The following INPP4B variants were observed in gnomAD, a reference collection of about 807,000 sequenced individuals.
INPP4B encodes the protein inositol polyphosphate 4-phosphatase type II.
Under a neutral mutation model 122.5 loss-of-function variants are expected in INPP4B, and 55 were observed. The ratio of observed to expected loss-of-function variants is 0.45; its 90% CI spans 0.36 to 0.56. The LOEUF is 0.56. Ranked by LOEUF, INPP4B falls within the 20% of genes least tolerant of loss-of-function variation. INPP4B has a pLI of 0.00. For missense variants in INPP4B, 1,000 were observed against 1,097.7 expected (o/e 0.91, Z 1.26); for synonymous variants, 403 against 388.7 (o/e 1.04, Z -0.43).
At chr4:142,718,226 CTGTTT>C (rs1486949788) in intron 2 of INPP4B, among the ~76,000 whole-genome samples, 4 of 152,208 alleles carry the variant, frequency 2.6e-5, no homozygotes, top group Non-Finnish European at 2.9e-5. Flanking sequence ...CCCATTCTCT[CTGTTT>C]TAACTTAATC....
intron 16 of INPP4B, among the ~76,000 whole-genome samples, chr4:142,169,815 T>C (rs1339364307): frequency 1.3e-5 from 2 of 151,708 alleles, no homozygotes; most frequent in Admixed American, 1.3e-4. Context: ...GTATTTGTCA[T>C]ATAGCATCAA....
rs144626729 is a variant in INPP4B at position 142,405,251 on chromosome 4, G to T, written c.210C>A (p.Pro70=). ...NTLVQISVIH[P]VEQSLTRYSS... is the part of the protein sequence containing the mutation. ...AGTATCTTGTCAGACTCTGCTCCAC[G>T]GGGTGGATTACGGAGATCTGCACCA... Residue 70 remains proline, a synonymous_variant, in exon 6 of 26, where the codon CCC becomes CCA. Coordinates refer to ENST00000262992, the MANE Select transcript of INPP4B (RefSeq NM_001101669.3). 1.2e-6 allele frequency: 2 copies of T among 1,612,862 alleles called. No individual in the cohort carries two copies. Among genetic ancestry groups the T allele is most frequent in the African/African-American group, 1.3e-5 (1 of 74,802 alleles).
At chr4:142,232,935 T>C (rs1318428214) in intron 12 of INPP4B, among the ~76,000 whole-genome samples, 1 of 152,150 alleles carries the variant, frequency 6.6e-6, no homozygotes, top group African/African-American at 2.4e-5. Context: ...CCTAACTCTC[T>C]TCAATTCTAT....
At chr4:142,252,178 T>C (rs545227016) in intron 11 of INPP4B, among the ~76,000 whole-genome samples, 3 of 145,218 alleles carry the variant, frequency 2.1e-5, no homozygotes, top group Non-Finnish European at 4.5e-5. Flanking sequence ...CCTGTCACTA[T>C]AGTAGTCATT....
chr4:142,627,940 G>A (rs1457719845), intron 2 of INPP4B, among the ~76,000 whole-genome samples: 1 of 151,832 alleles, frequency 6.6e-6, no homozygotes, highest in East Asian at 1.9e-4. Context: ...TCCTGTTATT[G>A]GTCTATTCAG....
chr4:142,190,545 C>T (rs796503927), intron 15 of INPP4B, among the ~76,000 whole-genome samples: 3 of 152,196 alleles, frequency 2.0e-5, no homozygotes, highest in African/African-American at 7.2e-5. Flanking sequence ...AACCACTGCC[C>T]TATGGAGAAT....
chr4:142,715,264 T>C (rs1156825211), intron 2 of INPP4B, among the ~76,000 whole-genome samples: 4 of 152,244 alleles, frequency 2.6e-5, no homozygotes, highest in Non-Finnish European at 5.9e-5. Context: ...AAATGCTCTA[T>C]AATGTTGCAA....
At chr4:142,247,348 G>C (rs950933383) in intron 11 of INPP4B, among the ~76,000 whole-genome samples, 19 of 152,076 alleles carry the variant, frequency 1.2e-4, no homozygotes, top group Middle Eastern at 3.2e-3. Flanking sequence ...CTATTGTTTG[G>C]AATCGTTTCA....
chr4:142,385,665 C>A (rs531085694), intron 7 of INPP4B, among the ~76,000 whole-genome samples: 1 of 152,224 alleles, frequency 6.6e-6, no homozygotes, highest in South Asian at 2.1e-4. Flanking sequence ...AATTACAATT[C>A]TGTTTGCCTT....
intron 2 of INPP4B, among the ~76,000 whole-genome samples, chr4:142,467,107 G>A (rs999023136): frequency 3.3e-5 from 5 of 152,226 alleles, no homozygotes; most frequent in South Asian, 2.1e-4. Flanking sequence ...ATGCGGAGGG[G>A]AAATGTGGGA....
intron 1 of INPP4B, among the ~76,000 whole-genome samples, chr4:142,787,355 A>G (rs1281605746): frequency 6.6e-6 from 1 of 152,128 alleles, no homozygotes; most frequent in African/African-American, 2.4e-5. Flanking sequence ...TTCTTATAAA[A>G]GAACAAGTTT....
At chr4:142,396,179 A>C (rs1799296734) in intron 7 of INPP4B, among the ~76,000 whole-genome samples, 1 of 152,172 alleles carries the variant, frequency 6.6e-6, no homozygotes, top group South Asian at 2.1e-4. Flanking sequence ...TTATTAGGCT[A>C]AGCCAAAGAC....
intron 18 of INPP4B, among the ~76,000 whole-genome samples, chr4:142,135,592 A>G (rs553876801): frequency 5.9e-5 from 9 of 152,314 alleles, no homozygotes; most frequent in African/African-American, 1.9e-4. Context: ...CGCTTGATTC[A>G]TTCATATTAC....
At chr4:142,396,897 G>C (rs959848000) in intron 7 of INPP4B, among the ~76,000 whole-genome samples, 1 of 152,018 alleles carries the variant, frequency 6.6e-6, no homozygotes, top group Non-Finnish European at 1.5e-5. Context: ...AAACAAAACA[G>C]ATCTGTAGGA....
chr4:142,679,680 A>C (rs1015540727), intron 2 of INPP4B, among the ~76,000 whole-genome samples: 2 of 151,772 alleles, frequency 1.3e-5, no homozygotes, highest in Non-Finnish European at 2.9e-5. Context: ...AAACCCATAC[A>C]TAGGATTAAG....
chr4:142,745,381 G>A (rs1427133499), intron 1 of INPP4B, among the ~76,000 whole-genome samples: 1 of 151,566 alleles, frequency 6.6e-6, no homozygotes, highest in African/African-American at 2.4e-5. Flanking sequence ...CTAAACAAGG[G>A]GTCAAAAAAC....
At chr4:142,518,476 A>T (rs1050802827) in intron 2 of INPP4B, among the ~76,000 whole-genome samples, 2 of 152,142 alleles carry the variant, frequency 1.3e-5, no homozygotes, top group African/African-American at 4.8e-5. Context: ...AATTATATAC[A>T]TGCTATGTCT....
At chr4:142,570,632 AAAGAAG>A (rs1387627125) in intron 2 of INPP4B, among the ~76,000 whole-genome samples, 22 of 152,096 alleles carry the variant, frequency 1.4e-4, no homozygotes, top group Admixed American at 1.4e-3. Context: ...AAGTATATTT[AAAGAAG>A]AATAAAAAAA....
intron 25 of INPP4B, among the ~76,000 whole-genome samples, chr4:142,044,846 TAGTC>T (rs1158459509): frequency 2.6e-5 from 4 of 152,130 alleles, no homozygotes; most frequent in African/African-American, 9.7e-5. Context: ...AAAAAGTCCT[TAGTC>T]AGAGTCCACA....
Sources: gnomAD v4.1 joint callset for allele counts (sites outside exome capture counted in the v4.1 genomes callset) on GRCh38, gnomAD v4.1.1 for gene constraint, MANE v1.5 for transcripts, NCBI Gene and HGNC (gene_info 2026-07-23, HGNC 2026-07-21) for gene names.